Variants in BRWD1 observed in about 807,000 individuals in gnomAD.
BRWD1 encodes the protein bromodomain and WD repeat domain containing 1.
A neutral mutation model predicts 251.2 loss-of-function variants in BRWD1; 82 were observed. The ratio of observed to expected loss-of-function variants is 0.33; its 90% CI spans 0.27 to 0.39. The LOEUF (loss-of-function observed/expected upper bound fraction) is 0.39. BRWD1 is among the 10% of genes least tolerant of loss of function. BRWD1 has a pLI of 1.00. For missense variants in BRWD1, 2,233 were observed against 2,711.6 expected (o/e 0.82, Z 3.92); for synonymous variants, 918 against 902.8 (o/e 1.02, Z -0.30).
intron 17 of BRWD1, among the ~76,000 whole-genome samples, chr21:39,261,403 G>A (rs2034740532): frequency 6.6e-6 from 1 of 152,130 alleles, no homozygotes; most frequent in African/African-American, 2.4e-5. Flanking sequence ...TACACTTCCA[G>A]TTTTAATACC....
chr21:39,271,696 C>CAAA lies in BRWD1; in HGVS notation c.1245-1266_1245-1264dup, dbSNP rs34900726. 4.1e-3 allele frequency among the ~76,000 whole-genome samples: 242 copies of CAAA among 59,126 alleles called. 1 individual carries two copies. Among genetic ancestry groups the CAAA allele is most frequent in the East Asian group, 8.8e-3 (14 of 1,600 alleles). The allele number at this position is 59,126 out of a possible 152,430, so 38.8% of individuals were successfully genotyped here. On this transcript the variant is annotated intron_variant, in intron 13 of 40. Transcript: ENST00000342449. ...TGGGCAACAGAGCAAGACTCCGTCT[C>CAAA]AAAAAAAAAAAAAAAAAAAAAAAGA...
In BRWD1 at chr21:39,218,517, G is replaced by A. The variant is rs748429588; in HGVS notation, c.3526C>T (p.Leu1176Phe). 3.8e-6 allele frequency: 6 copies of A among 1,575,284 alleles called. No individual in the cohort carries two copies. The highest frequency in any genetic ancestry group is 5.1e-6 in the Non-Finnish European group (6 of 1,169,458). Reference protein sequence around the residue: ...CDRIISGIDQLLNLDIAAAFA... With the variant: ...CDRIISGIDQFLNLDIAAAFA... ...ATAAAAAACTTACCAAGATTCAAAA[G>A]TTGATCTATACCACTGATAATTCTA... Residue 1176 changes from leucine (L) to phenylalanine (F), a missense_variant, in exon 30 of 41, where the codon CTT becomes TTT. This residue lies in a region of BRWD1 where 167 missense variants were observed against 183.2 expected (regional missense o/e 0.91). Transcript: ENST00000342449.
intron 15 of BRWD1, among the ~76,000 whole-genome samples, chr21:39,267,945 T>C (rs1008480297): frequency 2.0e-5 from 3 of 152,180 alleles, no homozygotes; most frequent in Non-Finnish European, 4.4e-5. Flanking sequence ...TACAAAACTA[T>C]GTGCAAGCAC....
At chr21:39,301,581 A>G (rs763346989) in intron 4 of BRWD1, among the ~76,000 whole-genome samples, 62 of 152,266 alleles carry the variant, frequency 4.1e-4, no homozygotes, top group Middle Eastern at 3.4e-3. Flanking sequence ...AGTTCTGCCA[A>G]TATTTTGACT....
upstream of BRWD1, chr21:39,317,061 CAAGAG>C (rs1568992312): frequency 6.6e-6 from 1 of 152,200 alleles, no homozygotes; most frequent in Non-Finnish European, 1.5e-5. Flanking sequence ...AGATTTCTAA[CAAGAG>C]AGAGAATATC....
chr21:39,295,127 T>G (rs2035920379), intron 7 of BRWD1, among the ~76,000 whole-genome samples: 1 of 151,428 alleles, frequency 6.6e-6, no homozygotes. Flanking sequence ...TGTAATCTAA[T>G]TCAGTAAGTC....
intron 9 of BRWD1, 43 bp downstream of exon 9, chr21:39,280,105 T>A: frequency 7.3e-7 from 1 of 1,362,622 alleles, no homozygotes; most frequent in Non-Finnish European, 1.0e-6. Context: ...AAACTGTAAC[T>A]ACATTAAAAA....
In BRWD1 at chr21:39,190,116, T is replaced by G; in HGVS notation, c.*6143A>C. 1.0e-6 allele frequency: 1 copy of G among 984,802 alleles called. No homozygotes were observed. Among genetic ancestry groups the G allele is most frequent in the South Asian group, 4.7e-5 (1 of 21,276 alleles). The allele number at this position is 984,802 out of a possible 1,614,324, so 61.0% of individuals were successfully genotyped here. ...TTAAATTATAACTCACAGATATGTG[T>G]GTATTCTAAGATGGTATATGTGGTG... On this transcript the variant is annotated 3_prime_UTR_variant, in exon 41 of 41. Transcript: ENST00000342449.
rs143171702 is a variant in BRWD1, at chr21:39,246,958, G to T, written c.2481+743C>A. On this transcript the variant is annotated intron_variant, in intron 21 of 40. Coordinates refer to ENST00000342449, the MANE Select transcript of BRWD1 (RefSeq NM_033656.4). ...TTAGCTGGGCCACCACTCACCTGTA[G>T]CCCCAGCTACTCGGGAGGCTGAGGC... Among the ~76,000 whole-genome samples, 5 of 151,996 alleles carry T rather than the reference G, an allele frequency of 3.3e-5. No individual in the cohort carries two copies. In the East Asian group the frequency reaches 9.7e-4, roughly 30 times the overall value.
intron 18 of BRWD1, among the ~76,000 whole-genome samples, chr21:39,257,252 T>C (rs2034589829): frequency 6.6e-6 from 1 of 151,580 alleles, no homozygotes. Flanking sequence ...ACTGATACGA[T>C]TTCTAGAATA....
At chr21:39,302,162 T>TTAG (rs1219810682) in intron 4 of BRWD1, among the ~76,000 whole-genome samples, 1 of 151,574 alleles carries the variant, frequency 6.6e-6, no homozygotes, top group Non-Finnish European at 1.5e-5. Context: ...TTTTGTATTT[T>TTAG]TAGTAGAGAA....
chr21:39,290,351 T>C (rs1390796634), intron 8 of BRWD1, among the ~76,000 whole-genome samples: 1 of 151,930 alleles, frequency 6.6e-6, no homozygotes, highest in African/African-American at 2.4e-5. Flanking sequence ...TAGCCGGGCG[T>C]GGTGGCACGT....
At chr21:39,224,069 C>T (rs1421001997) in intron 29 of BRWD1, among the ~76,000 whole-genome samples, 1 of 152,118 alleles carries the variant, frequency 6.6e-6, no homozygotes, top group Non-Finnish European at 1.5e-5. Flanking sequence ...AGGCTGGTCT[C>T]GAACTCCTGA....
At chr21:39,277,228 G>A (rs368865148) in intron 11 of BRWD1, 23 bp downstream of exon 11, 107 of 1,549,424 alleles carry the variant, frequency 6.9e-5, no homozygotes, top group Admixed American at 1.9e-4. Context: ...TAATCTAAAG[G>A]ATTTTAAAAC....
chr21:39,308,185 T>C (rs1226908530), intron 4 of BRWD1, among the ~76,000 whole-genome samples: 2 of 152,058 alleles, frequency 1.3e-5, no homozygotes, highest in African/African-American at 4.8e-5. Flanking sequence ...TCAATTCTTA[T>C]AAGAAGCAAA....
At chr21:39,207,483 CAA>C (rs869242451) in intron 36 of BRWD1, among the ~76,000 whole-genome samples, 1,881 of 148,348 alleles carry the variant, frequency 0.013, 36 homozygotes, top group African/African-American at 0.043. Context: ...CACACACACA[CAA>C]ACAAAACTCC....
chr21:39,188,247 ACAGT>A lies in BRWD1; in HGVS notation c.*8008_*8011del, dbSNP rs1045409030. On this transcript the variant is annotated 3_prime_UTR_variant, in exon 41 of 41. Transcript: ENST00000342449. ...TTTTAGGTCTTTCTTGCAGCCATGA[ACAGT>A]CAAACTATCTAAAACTGCCTTCATG... 3.5e-5 allele frequency: 34 copies of A among 985,416 alleles called. No individual in the cohort carries two copies. In the South Asian group the frequency reaches 4.7e-4, roughly 14 times the overall value. The allele number at this position is 985,416 out of a possible 1,614,324, so 61.0% of individuals were successfully genotyped here.
chr21:39,267,967 T>C (rs994712719), intron 15 of BRWD1, among the ~76,000 whole-genome samples: 1 of 152,172 alleles, frequency 6.6e-6, no homozygotes, highest in Non-Finnish European at 1.5e-5. Context: ...TTTACCCACG[T>C]AACCAACCTG....
At chr21:39,287,595 T>C (rs2035680960) in intron 8 of BRWD1, among the ~76,000 whole-genome samples, 1 of 152,222 alleles carries the variant, frequency 6.6e-6, no homozygotes, top group East Asian at 1.9e-4. Flanking sequence ...TATGTAGTGA[T>C]ACCCCTTTTT....
Sources: allele counts gnomAD v4.1 joint callset (sites outside exome capture counted in the v4.1 genomes callset), GRCh38; gene constraint gnomAD v4.1.1; regional missense constraint gnomAD v4.1.1; transcripts MANE v1.5; gene names NCBI Gene and HGNC (gene_info 2026-07-23, HGNC 2026-07-21).